The following ADARB2 variants were observed in gnomAD, a reference collection of about 807,000 sequenced individuals.
ADARB2 encodes the protein adenosine deaminase RNA specific B2 (inactive), also known as inactive double-stranded RNA-specific editase B2.
ADARB2 carries 25 observed loss-of-function variants against 62.2 expected under a neutral mutation model. That is an observed-to-expected ratio of 0.40 (90% CI 0.29 to 0.56). ADARB2 has a LOEUF of 0.56. ADARB2 is among the 20% of genes least tolerant of loss of function. The pLI, the probability that ADARB2 is intolerant of heterozygous loss-of-function variation, is 0.43. For synonymous variants in ADARB2, 572 were observed against 500.8 expected (o/e 1.14, Z -1.90); for missense variants, 1,071 against 1,077.4 (o/e 0.99, Z 0.08).
chr10:1,306,452 A>G (rs1831630106), intron 3 of ADARB2, among the ~76,000 whole-genome samples: 2 of 152,084 alleles, frequency 1.3e-5, no homozygotes, highest in South Asian at 4.2e-4. Flanking sequence ...CATGGGTAGG[A>G]AGAATCAATA....
intron 3 of ADARB2, among the ~76,000 whole-genome samples, chr10:1,317,964 G>T (rs534995673): frequency 6.6e-6 from 1 of 152,240 alleles, no homozygotes; most frequent in South Asian, 2.1e-4. Context: ...TCAATCCCCG[G>T]TGTGAGTGCC....
chr10:1,178,869 T>C lies in ADARB2; in HGVS notation c.*4324A>G, dbSNP rs1836625003. On this transcript the variant is annotated 3_prime_UTR_variant, in exon 10 of 10. Coordinates refer to ENST00000381312, the MANE Select transcript of ADARB2 (RefSeq NM_018702.4). ...CCTCACCGGGTTCTGTTGGGTGTTATGAGAGGCGGCTGCAGCGATCCAACG... is the reference window on the plus strand; with the variant it reads ...CCTCACCGGGTTCTGTTGGGTGTTACGAGAGGCGGCTGCAGCGATCCAACG... 6.6e-6 allele frequency: 1 copy of C among 152,176 alleles called. No homozygotes were observed. 9.4% of individuals were successfully genotyped at this position (152,176 alleles called of 1,614,324 possible).
intron 1 of ADARB2, among the ~76,000 whole-genome samples, chr10:1,484,092 C>T (rs938503673): frequency 6.6e-6 from 1 of 152,164 alleles, no homozygotes; most frequent in Non-Finnish European, 1.5e-5. Flanking sequence ...TCACAATAAG[C>T]CCATAAGCAC....
chr10:1,557,437 G>C (rs1832721949), intron 1 of ADARB2, among the ~76,000 whole-genome samples: 1 of 152,084 alleles, frequency 6.6e-6, no homozygotes, highest in Non-Finnish European at 1.5e-5. Flanking sequence ...AAAATTCGCA[G>C]CCACGGTCCT....
intron 1 of ADARB2, among the ~76,000 whole-genome samples, chr10:1,672,495 C>T (rs915175001): frequency 6.6e-6 from 1 of 152,184 alleles, no homozygotes; most frequent in Non-Finnish European, 1.5e-5. Flanking sequence ...TGACGGATGC[C>T]GCCTCCAGGC....
intron 1 of ADARB2, among the ~76,000 whole-genome samples, chr10:1,540,328 C>G (rs2813463): frequency 0.022 from 3,292 of 151,990 alleles, 133 homozygotes; most frequent in African/African-American, 0.076. Context: ...TCTATGCCAC[C>G]GAGGGCACGT....
At chr10:1,310,975 G>A (rs1442339842) in intron 3 of ADARB2, among the ~76,000 whole-genome samples, 2 of 152,166 alleles carry the variant, frequency 1.3e-5, no homozygotes, top group African/African-American at 2.4e-5. Flanking sequence ...TGTGGATTTC[G>A]ATTATTCACA....
intron 1 of ADARB2, among the ~76,000 whole-genome samples, chr10:1,505,999 T>C (rs1831842489): frequency 6.6e-6 from 1 of 152,240 alleles, no homozygotes; most frequent in Admixed American, 6.5e-5. Context: ...TTTCTGGTTG[T>C]TTCTCTTAAA....
intron 1 of ADARB2, among the ~76,000 whole-genome samples, chr10:1,499,924 A>G (rs1296084816): frequency 1.3e-5 from 2 of 152,180 alleles, no homozygotes; most frequent in East Asian, 3.9e-4. Context: ...CACTCACTCA[A>G]CACTCAGTCA....
rs184282849 is a variant in ADARB2, at chr10:1,312,954, G to A, written c.1078-41885C>T. Among the ~76,000 whole-genome samples, 25 of 152,322 alleles carry A rather than the reference G, an allele frequency of 1.6e-4. No individual in the cohort carries two copies. The East Asian group carries it at 4.4e-3, about 27-fold the overall frequency. Reference sequence around the variant, plus strand: ...GGGGATGGAGTGGACACAAGAGGGCGGCAGGAGAGGGGTGGGAAGATGTGA... The same window carrying A: ...GGGGATGGAGTGGACACAAGAGGGCAGCAGGAGAGGGGTGGGAAGATGTGA... On this transcript the variant is annotated intron_variant, in intron 3 of 9. Transcript: ENST00000381312.
At chr10:1,347,588 A>G (rs1031056029) in intron 3 of ADARB2, among the ~76,000 whole-genome samples, 20 of 152,298 alleles carry the variant, frequency 1.3e-4, no homozygotes, top group African/African-American at 4.8e-4. Flanking sequence ...ACTGAAGAGC[A>G]CACAGATCAG....
chr10:1,487,524 T>C (rs1392227796), intron 1 of ADARB2, among the ~76,000 whole-genome samples: 1 of 152,166 alleles, frequency 6.6e-6, no homozygotes, highest in Non-Finnish European at 1.5e-5. Flanking sequence ...CCCTGGGTTG[T>C]GGGCGAAGCT....
intron 6 of ADARB2, among the ~76,000 whole-genome samples, chr10:1,218,165 C>G (rs2131755112): frequency 6.6e-6 from 1 of 152,332 alleles, no homozygotes; most frequent in East Asian, 1.9e-4. Context: ...ATTCTCCTGC[C>G]TCAGCCTCCT....
intron 1 of ADARB2, among the ~76,000 whole-genome samples, chr10:1,585,228 G>C (rs1223769395): frequency 6.6e-6 from 1 of 152,136 alleles, no homozygotes; most frequent in East Asian, 1.9e-4. Context: ...AGGGGCATGG[G>C]GTAACTCTGT....
intron 1 of ADARB2, among the ~76,000 whole-genome samples, chr10:1,678,634 C>G (rs905647853): frequency 1.3e-5 from 2 of 152,002 alleles, no homozygotes; most frequent in Admixed American, 1.3e-4. Context: ...TTTTACGGGT[C>G]TGGTATGGTT....
chr10:1,330,378 G>T (rs904963), intron 3 of ADARB2, among the ~76,000 whole-genome samples: 24,024 of 152,076 alleles, frequency 0.16, 2,294 homozygotes, highest in East Asian at 0.3. Context: ...CATTTATAGA[G>T]GATCTATAAA....
chr10:1,723,598 T>C (rs9787605), intron 1 of ADARB2, among the ~76,000 whole-genome samples: 146,216 of 152,272 alleles, frequency 0.96, 70,383 homozygotes, highest in Non-Finnish European at 1. Context: ...GGAAAAGAAC[T>C]GTCAGCGAGA....
At position 1,478,120 on chromosome 10, in the gene ADARB2, G is replaced by A. The variant is rs139279830; in HGVS notation, c.101-98960C>T. On this transcript the variant is annotated intron_variant, in intron 1 of 9. Transcript: ENST00000381312. ...GACGCCAGTGCTGCCCTAACAGGCA[G>A]AGACTCCAGTCATGGGAGCTCTGCT... is the stretch of plus-strand genomic sequence containing the variant. 6.2e-3 allele frequency among the ~76,000 whole-genome samples: 947 copies of A among 152,370 alleles called. 12 individuals carry two copies. The highest frequency in any genetic ancestry group is 0.02 in the African/African-American group (818 of 41,590).
At position 1,626,082 on chromosome 10, in the gene ADARB2, T is replaced by C. The variant is rs55653337; in HGVS notation, c.100+110969A>G. On this transcript the variant is annotated intron_variant, in intron 1 of 9. Transcript: ENST00000381312. ...ACCCCACATCTGCCCACGCTCTCTC[T>C]TGCATAGACACAGGCCTCCACTGGA... Among the ~76,000 whole-genome samples, 385 of 73,962 alleles carry C rather than the reference T, an allele frequency of 5.2e-3. 1 individual carries two copies. Among genetic ancestry groups the C allele is most frequent in the Middle Eastern group, 0.024 (2 of 84 alleles). The allele number at this position is 73,962 out of a possible 152,430, so 48.5% of individuals were successfully genotyped here.
Sources: allele counts gnomAD v4.1 joint callset (sites outside exome capture counted in the v4.1 genomes callset), GRCh38; gene constraint gnomAD v4.1.1; transcripts MANE v1.5; gene names NCBI Gene and HGNC (gene_info 2026-07-23, HGNC 2026-07-21).